ESD: variants seen among roughly 807,000 people sequenced by gnomAD.
ESD encodes the protein S-formylglutathione hydrolase.
A neutral mutation model predicts 38.1 loss-of-function variants in ESD; 34 were observed. That is an observed-to-expected ratio of 0.89 (90% confidence interval 0.68 to 1.19). The LOEUF is 1.19. Among genes scored for constraint, ESD ranks in the 50% most tolerant of loss-of-function variants. The pLI is 0.00. For synonymous variants in ESD, 97 were observed against 107.0 expected, an observed-to-expected ratio of 0.91 and a Z score of 0.58; for missense variants, 334 against 327.2, an observed-to-expected ratio of 1.02 and a Z score of -0.16.
chr13:46,781,669 A>G (rs1322949611), intron 6 of ESD, 54 bp from the exon 7 acceptor site: 15 of 1,509,382 alleles, frequency 9.9e-6, no homozygotes, highest in Non-Finnish European at 1.4e-5. Context: ...AAGTTCAGAC[A>G]TTTCAAAGTT....
In ESD at chr13:46,781,494, A is replaced by C; in HGVS notation, c.501+2T>G. ...TATCACTAGAAGTTTAGATAATCTT[A>C]CTTTGTATTTTCCAGGATTTTTCAA... On this transcript the variant is annotated splice_donor_variant, in intron 7 of 9. Transcript: ENST00000378720. LOFTEE classifies it high-confidence loss of function. 1 of 1,591,800 alleles carries C rather than the reference A, an allele frequency of 6.3e-7. No homozygotes were observed. Among genetic ancestry groups the C allele is most frequent in the Non-Finnish European group, 8.5e-7 (1 of 1,170,128 alleles).
chr13:46,773,635 C>G (rs963813245), intron 9 of ESD, among the ~76,000 whole-genome samples: 12 of 152,154 alleles, frequency 7.9e-5, no homozygotes, highest in Non-Finnish European at 4.4e-5. Context: ...CTCTCCCTTC[C>G]AGAGAGGTAT....
chr13:46,780,023 G>C lies in ESD; in HGVS notation c.512C>G (p.Ala171Gly), dbSNP rs748131726. ...KNPGKYKSVSAFAPICNPVLC... is the reference protein window; with the variant it reads ...KNPGKYKSVSGFAPICNPVLC... ...TACAGGGTTGCAAATTGGAGCAAAT[G>C]CTGACACAGACTTCAGAAACAAAAG... The change falls in exon 8 of 10, where the codon GCA (alanine) becomes GGA (glycine). Residue 171 changes from alanine (A) to glycine (G), a missense_variant. Coordinates refer to ENST00000378720, the MANE Select transcript of ESD (RefSeq NM_001984.2). 6.3e-7 allele frequency: 1 copy of C among 1,591,414 alleles called. No homozygotes were observed. The highest frequency in any genetic ancestry group is 1.1e-5 in the South Asian group (1 of 88,066).
At chr13:46,783,052 C>T (rs535777905) in intron 5 of ESD, among the ~76,000 whole-genome samples, 1 of 152,098 alleles carries the variant, frequency 6.6e-6, no homozygotes, top group East Asian at 1.9e-4. Flanking sequence ...GTAAGATACA[C>T]TAACTTTCTT....
In ESD at chr13:46,771,481, A is replaced by T; in HGVS notation, c.784T>A (p.Tyr262Asn). Residue 262 changes from tyrosine (Y) to asparagine (N), a missense_variant, in exon 10 of 10, where the codon TAC becomes AAC. Transcript: ENST00000378720. ...GTAATAAAGGTTGCAATGAAGTAGT[A>T]GCTATGATCATAACCCTAGAAGATA... ...FRLQEGYDHS[Y>N]YFIATFITDH... The T allele has an allele frequency of 6.2e-7, 1 of 1,600,564 alleles. No homozygotes were observed. Among genetic ancestry groups the T allele is most frequent in the Non-Finnish European group, 8.6e-7 (1 of 1,168,618 alleles).
At chr13:46,782,942 T>A (rs1875060077) in intron 5 of ESD, 151 bp from the exon 6 acceptor site, 1 of 968,812 alleles carries the variant, frequency 1.0e-6, no homozygotes, top group Admixed American at 2.5e-5. Flanking sequence ...ATGATAGGAT[T>A]ATACTTCCTG....
upstream of ESD, chr13:46,797,186 C>T (rs1875621204): frequency 6.6e-6 from 1 of 152,412 alleles, no homozygotes; most frequent in Non-Finnish European, 1.5e-5. Flanking sequence ...CGCCTCAGCC[C>T]CGCCCATATG....
At chr13:46,785,982 C>CA (rs1310021440) in intron 4 of ESD, among the ~76,000 whole-genome samples, 5 of 151,976 alleles carry the variant, frequency 3.3e-5, no homozygotes, top group African/African-American at 7.2e-5. Flanking sequence ...TTCAACTCCA[C>CA]ATTAGCGTGT....
At chr13:46,788,810 T>C (rs896617818) in intron 3 of ESD, among the ~76,000 whole-genome samples, 1 of 152,084 alleles carries the variant, frequency 6.6e-6, no homozygotes, top group Non-Finnish European at 1.5e-5. Context: ...TCACTCTGCA[T>C]GTATCACTAA....
At chr13:46,783,050 C>T (rs1324292578) in intron 5 of ESD, among the ~76,000 whole-genome samples, 1 of 151,960 alleles carries the variant, frequency 6.6e-6, no homozygotes, top group Non-Finnish European at 1.5e-5. Context: ...AGGTAAGATA[C>T]ACTAACTTTC....
intron 3 of ESD, chr13:46,790,811 T>C (rs1258379704): frequency 6.6e-6 from 1 of 152,258 alleles, no homozygotes; most frequent in East Asian, 1.9e-4. Context: ...TGTAGCTTTC[T>C]AGGTTTTACT....
intron 9 of ESD, among the ~76,000 whole-genome samples, chr13:46,773,321 C>T (rs569742289): frequency 1.3e-5 from 2 of 152,300 alleles, no homozygotes; most frequent in East Asian, 3.9e-4. Context: ...AATCACCACA[C>T]TATCTTCTAC....
chr13:46,786,894 A>G (rs1344519654), intron 4 of ESD, 127 bp downstream of exon 4: 3 of 450,436 alleles, frequency 6.7e-6, no homozygotes, highest in Non-Finnish European at 1.2e-5. Context: ...AGAGTAGACT[A>G]TGACAGGTCC....
At chr13:46,787,332 T>G (rs903690249) in intron 3 of ESD, among the ~76,000 whole-genome samples, 1 of 151,980 alleles carries the variant, frequency 6.6e-6, no homozygotes, top group Non-Finnish European at 1.5e-5. Flanking sequence ...AACCTGAGCC[T>G]ATACTTTGCA....
At chr13:46,788,689 A>C (rs1039555730) in intron 3 of ESD, among the ~76,000 whole-genome samples, 2 of 150,522 alleles carry the variant, frequency 1.3e-5, no homozygotes, top group African/African-American at 2.5e-5. Context: ...AAAAAAAAAA[A>C]AACACAACAG....
At chr13:46,794,287 G>T (rs552962371) in intron 1 of ESD, among the ~76,000 whole-genome samples, 5 of 152,124 alleles carry the variant, frequency 3.3e-5, no homozygotes, top group Non-Finnish European at 7.4e-5. Context: ...GTCTCTCAGT[G>T]CATAATACAT....
intron 4 of ESD, among the ~76,000 whole-genome samples, chr13:46,785,306 G>T (rs1875153906): frequency 6.6e-6 from 1 of 152,010 alleles, no homozygotes; most frequent in South Asian, 2.1e-4. Context: ...TTCACCAGTT[G>T]AGAGAGATTT....
intron 5 of ESD, among the ~76,000 whole-genome samples, chr13:46,783,458 C>A (rs903195047): frequency 6.6e-6 from 1 of 151,834 alleles, no homozygotes; most frequent in Non-Finnish European, 1.5e-5. Context: ...ATGACCTTGT[C>A]GTAAGATTCA....
chr13:46,790,147 C>T (rs1335381264), intron 3 of ESD, among the ~76,000 whole-genome samples: 3 of 151,726 alleles, frequency 2.0e-5, no homozygotes, highest in Admixed American at 1.3e-4. Context: ...TGGCCATGTA[C>T]TTGAATATTT....
Sources: allele counts gnomAD v4.1 joint callset (sites outside exome capture counted in the v4.1 genomes callset), GRCh38; gene constraint gnomAD v4.1.1; transcripts MANE v1.5; gene names NCBI Gene and HGNC (gene_info 2026-07-23, HGNC 2026-07-21).